Variants in GSE1 observed in about 807,000 individuals in gnomAD.
GSE1 encodes the protein genetic suppressor element 1.
A neutral mutation model predicts 112.6 loss-of-function variants in GSE1; 32 were observed. The ratio of observed to expected loss-of-function variants is 0.28; its 90% CI spans 0.21 to 0.38. The LOEUF is 0.38. Among genes scored for constraint, GSE1 ranks in the 10% least tolerant of loss-of-function variants. The probability of loss-of-function intolerance (pLI) is 1.00; values close to 1 mark genes in which losing one functional copy is unlikely to be tolerated. For missense variants in GSE1, 2,348 were observed against 1,699.2 expected, an observed-to-expected ratio of 1.38 and a Z score of -6.71; for synonymous variants, 1,115 against 735.6, an observed-to-expected ratio of 1.52 and a Z score of -8.35.
At chr16:85,610,502 A>G (rs1337990032), upstream of GSE1, among the ~76,000 whole-genome samples, 2 of 152,248 alleles carry the variant, frequency 1.3e-5, no homozygotes, top group Non-Finnish European at 2.9e-5. Context: ...CTCGTTAGCG[A>G]GGAGCGCGCC....
intron 3 of GSE1, among the ~76,000 whole-genome samples, chr16:85,653,053 G>T (rs1365428630): frequency 6.6e-6 from 1 of 150,960 alleles, no homozygotes; most frequent in Admixed American, 6.6e-5. Context: ...GGGTAGGCCT[G>T]GGCAGTGCTG....
intron 2 of GSE1, among the ~76,000 whole-genome samples, chr16:85,363,071 A>C (rs1249950969): frequency 6.6e-6 from 1 of 152,172 alleles, no homozygotes; most frequent in Non-Finnish European, 1.5e-5. Flanking sequence ...TCCTGAACTC[A>C]GGAAATCCAC....
At chr16:85,215,503 T>C (rs1377023613) in intron 1 of GSE1, among the ~76,000 whole-genome samples, 2 of 152,186 alleles carry the variant, frequency 1.3e-5, no homozygotes, top group Non-Finnish European at 2.9e-5. Context: ...TTCACCACTG[T>C]ATAACTCATT....
At chr16:85,302,677 G>A (rs1486034771) in intron 1 of GSE1, among the ~76,000 whole-genome samples, 2 of 152,152 alleles carry the variant, frequency 1.3e-5, no homozygotes, top group Non-Finnish European at 2.9e-5. Context: ...GAGCTGATTG[G>A]GCCCAGGAAT....
rs779574898 is a variant in GSE1, at chr16:85,634,012, G to A, written c.106G>A (p.Gly36Ser). 6.2e-7 allele frequency: 1 copy of A among 1,612,314 alleles called. No individual in the cohort carries two copies. Among genetic ancestry groups the A allele is most frequent in the Admixed American group, 1.7e-5 (1 of 59,936 alleles). Reference sequence around the variant, plus strand: ...CCCCCTCACCCCCTCGCCGCTCAATGGCGCCCTGGTGCCCAGCGGCAGCCC... The same window carrying A: ...CCCCCTCACCCCCTCGCCGCTCAATAGCGCCCTGGTGCCCAGCGGCAGCCC... ...VNPLTPSPLN[G>S]ALVPSGSPAT... Residue 36 changes from glycine (G) to serine (S), a missense_variant, in exon 2 of 16, where the codon GGC (glycine) becomes AGC (serine). By Grantham distance (56) the Gly-to-Ser change is moderately conservative. Transcript: ENST00000253458.
chr16:85,565,092 C>A (rs1475354152), intron 1 of GSE1, among the ~76,000 whole-genome samples: 1 of 152,080 alleles, frequency 6.6e-6, no homozygotes, highest in Non-Finnish European at 1.5e-5. Flanking sequence ...AACCTGGGTT[C>A]TTAAAAGCGA....
chr16:85,335,348 G>T (rs550383520), intron 1 of GSE1, among the ~76,000 whole-genome samples: 15 of 152,266 alleles, frequency 9.9e-5, no homozygotes, highest in Non-Finnish European at 2.2e-4. Context: ...TACTGTCTTG[G>T]CATTCTTTCC....
chr16:85,448,001 T>C (rs900424001), intron 2 of GSE1, among the ~76,000 whole-genome samples: 1 of 152,142 alleles, frequency 6.6e-6, no homozygotes, highest in Non-Finnish European at 1.5e-5. Context: ...CAAATCTTAA[T>C]GGCAGAGGGA....
chr16:85,463,747 G>C (rs570016849), intron 2 of GSE1, among the ~76,000 whole-genome samples: 1 of 152,308 alleles, frequency 6.6e-6, no homozygotes, highest in South Asian at 2.1e-4. Context: ...GAGAGGGTAA[G>C]AGTCACAGAG....
At chr16:85,575,087 T>C (rs912509659) in intron 1 of GSE1, among the ~76,000 whole-genome samples, 9 of 140,908 alleles carry the variant, frequency 6.4e-5, no homozygotes, top group Admixed American at 5.8e-4. Context: ...GTTAATTAAA[T>C]GTGGCTGCCT....
chr16:85,452,297 C>T (rs1442873286), intron 2 of GSE1, among the ~76,000 whole-genome samples: 2 of 152,174 alleles, frequency 1.3e-5, no homozygotes, highest in Non-Finnish European at 2.9e-5. Flanking sequence ...TTTACCCAAC[C>T]CTCATGAGCT....
At chr16:85,559,434 C>T (rs2045406385) in intron 1 of GSE1, among the ~76,000 whole-genome samples, 1 of 152,194 alleles carries the variant, frequency 6.6e-6, no homozygotes, top group Non-Finnish European at 1.5e-5. Context: ...AGAGGCTGAC[C>T]CTGCCCCACA....
chr16:85,178,975 A>G lies in GSE1; in HGVS notation c.2283+7168A>G, dbSNP rs577554242. Among the ~76,000 whole-genome samples, 131 of 152,208 alleles carry G rather than the reference A, an allele frequency of 8.6e-4. 1 individual carries two copies. The highest frequency in any genetic ancestry group is 2.8e-3 in the African/African-American group (116 of 41,508). ...ACTGTGGGGCTGCCCTGGAGAAAGC[A>G]TGGTGGTTTTTGTTGTTGTTTTAAT... is the stretch of plus-strand genomic sequence containing the variant. On this transcript the variant is annotated intron_variant, in intron 1 of 2. Coordinates refer to the GSE1 transcript ENST00000637419.
chr16:85,198,917 T>C (rs1265104089), intron 1 of GSE1, among the ~76,000 whole-genome samples: 2 of 151,614 alleles, frequency 1.3e-5, no homozygotes, highest in Non-Finnish European at 2.9e-5. Context: ...TGGCTGGGAC[T>C]ACAGGCATGC....
intron 1 of GSE1, among the ~76,000 whole-genome samples, chr16:85,346,675 G>C (rs1183563972): frequency 6.6e-6 from 1 of 151,796 alleles, no homozygotes; most frequent in South Asian, 2.1e-4. Context: ...ATGGATGGAT[G>C]ATGGGTGGAT....
chr16:85,526,671 T>A (rs2052374571), intron 2 of GSE1, among the ~76,000 whole-genome samples: 1 of 152,060 alleles, frequency 6.6e-6, no homozygotes, highest in Non-Finnish European at 1.5e-5. Flanking sequence ...CTGGGCAAGG[T>A]CTACGCCGCC....
chr16:85,386,873 CTGGGGTGCCTCT>C (rs375453184), intron 2 of GSE1, among the ~76,000 whole-genome samples: 221 of 152,270 alleles, frequency 1.5e-3, no homozygotes, highest in Non-Finnish European at 2.8e-3. Context: ...GGTGCCATTC[CTGGGGTGCCTCT>C]TGGGGTGGCC....
intron 1 of GSE1, among the ~76,000 whole-genome samples, chr16:85,293,549 C>T (rs1402640200): frequency 6.6e-6 from 1 of 151,618 alleles, no homozygotes; most frequent in East Asian, 1.9e-4. Context: ...GATTCCATTT[C>T]AAAAAAAAAT....
intron 1 of GSE1, among the ~76,000 whole-genome samples, chr16:85,336,632 C>T (rs1427238994): frequency 1.3e-5 from 2 of 151,310 alleles, no homozygotes; most frequent in Non-Finnish European, 1.5e-5. Flanking sequence ...GTTGAAGTCT[C>T]ACTTCATCGC....
Sources: allele counts gnomAD v4.1 joint callset (sites outside exome capture counted in the v4.1 genomes callset), GRCh38; gene constraint gnomAD v4.1.1; transcripts MANE v1.5; gene names NCBI Gene and HGNC (gene_info 2026-07-23, HGNC 2026-07-21).